Variants in BRIP1 observed in about 807,000 individuals in gnomAD.
BRIP1 encodes the protein Fanconi anemia group J protein.
BRIP1 carries 88 observed loss-of-function variants against 119.7 expected under a neutral mutation model. The observed-to-expected ratio is 0.74, with a 90% CI of 0.62 to 0.88. The LOEUF (loss-of-function observed/expected upper bound fraction) is 0.88, where lower values mean the gene tolerates loss of function less well. Ranked by LOEUF, BRIP1 falls within the 40% of genes least tolerant of loss-of-function variation. The pLI is 0.00. For synonymous variants in BRIP1, 443 were observed against 496.5 expected, an observed-to-expected ratio of 0.89 and a Z score of 1.43; for missense variants, 1,259 against 1,455.4, an observed-to-expected ratio of 0.87 and a Z score of 2.20.
At position 61,705,085 on chromosome 17, in the gene BRIP1, T is replaced by A. The variant is rs1188202394; in HGVS notation, c.2492+10866A>T. On this transcript the variant is annotated intron_variant, in intron 17 of 19. Transcript: ENST00000259008. The surrounding 1 kb of genome is among the most constrained non-coding windows in gnomAD (Gnocchi z 5.0). ...GGTAGTTTTTCAACCCTTGCTTCCC[T>A]CCTTCTCTGCCTCCACTTACATTCA... is the stretch of plus-strand genomic sequence containing the variant. Among the ~76,000 whole-genome samples, 2 of 152,154 alleles carry A rather than the reference T, an allele frequency of 1.3e-5. No individual in the cohort carries two copies. Among genetic ancestry groups the A allele is most frequent in the Non-Finnish European group, 2.9e-5 (2 of 68,006 alleles).
chr17:61,748,925 C>T lies in BRIP1; in HGVS notation c.2098-4334G>A, dbSNP rs1351269954. On this transcript the variant is annotated intron_variant, in intron 14 of 19. Transcript: ENST00000259008. This position sits in a 1 kb window ranked among gnomAD's most constrained non-coding sequence, Gnocchi z 4.7. ...GGCCAAGGCGGGCAGATCACGAGGT[C>T]AGGAGATTGAGACCATCCTGGCTAA... Among the ~76,000 whole-genome samples, 2 of 152,176 alleles carry T rather than the reference C, an allele frequency of 1.3e-5. No individual in the cohort carries two copies. Among genetic ancestry groups the T allele is most frequent in the African/African-American group, 4.8e-5 (2 of 41,450 alleles).
At chr17:61,837,598 T>C (rs1205237775) in intron 6 of BRIP1, among the ~76,000 whole-genome samples, 2 of 152,120 alleles carry the variant, frequency 1.3e-5, no homozygotes, top group East Asian at 3.8e-4. Flanking sequence ...CAACCCTGGC[T>C]ATTGTGAGGA....
rs951610273 is a variant in BRIP1, at chr17:61,776,684, CAG to C, written c.1936-124_1936-123del. 3 of 1,085,714 alleles carry C rather than the reference CAG, an allele frequency of 2.8e-6. No homozygotes were observed. The highest frequency in any genetic ancestry group is 1.3e-5 in the South Asian group (1 of 74,334). The allele number at this position is 1,085,714 out of a possible 1,614,324, so 67.3% of individuals were successfully genotyped here. A position where few individuals can be genotyped will look rare whatever the true frequency, so the allele number is the denominator to read the frequency against. ...GTTTAACAATTTATTTTTAAATTGT[CAG>C]GGGGTTTTCTATTACCTTCAATTAA... On this transcript the variant is annotated intron_variant, in intron 13 of 19. Coordinates refer to ENST00000259008, the MANE Select transcript of BRIP1 (RefSeq NM_032043.3). This position sits in a 1 kb window ranked among gnomAD's most constrained non-coding sequence, Gnocchi z 5.0.
In BRIP1 at chr17:61,857,330, A is replaced by G. The variant is rs1037048979; in HGVS notation, c.206-99T>C. ...ACCCAGGATTGGGAGGTTTCCTAAG[A>G]TAAAAGATTTTTAGGGCTAACACCA... On this transcript the variant is annotated intron_variant, in intron 3 of 19. Transcript: ENST00000259008. This position sits in a 1 kb window ranked among gnomAD's most constrained non-coding sequence, Gnocchi z 5.1. 13 of 1,179,198 alleles carry G rather than the reference A, an allele frequency of 1.1e-5. No individual in the cohort carries two copies. Among genetic ancestry groups the G allele is most frequent in the Non-Finnish European group, 1.5e-5 (13 of 854,250 alleles). The allele number at this position is 1,179,198 out of a possible 1,614,324, so 73.0% of individuals were successfully genotyped here.
In BRIP1 at chr17:61,805,057, C is replaced by T. The variant is rs887764375; in HGVS notation, c.918+3410G>A. Among the ~76,000 whole-genome samples, 2 of 151,014 alleles carry T rather than the reference C, an allele frequency of 1.3e-5. No individual in the cohort carries two copies. The highest frequency in any genetic ancestry group is 2.9e-5 in the Non-Finnish European group (2 of 67,850). ...TAATAAATTAAATTGTATATATATA[C>T]ACACACATATATATGCATATATATA... is the stretch of plus-strand genomic sequence containing the variant. On this transcript the variant is annotated intron_variant, in intron 7 of 19. Transcript: ENST00000259008. The surrounding 1 kb of genome is among the most constrained non-coding windows in gnomAD (Gnocchi z 5.6).
At position 61,760,017 on chromosome 17, in the gene BRIP1, T is replaced by A. The variant is rs1005844549; in HGVS notation, c.2098-15426A>T. Among the ~76,000 whole-genome samples the A allele has an allele frequency of 3.3e-5, 5 of 151,894 alleles. No individual in the cohort carries two copies. Among genetic ancestry groups the A allele is most frequent in the Admixed American group, 1.3e-4 (2 of 15,240 alleles). Reference sequence around the variant, plus strand: ...ATTCTTCTCAAATACCATAAAATAGTCTCCAGGATAGATTATATATTAGGC... The same window carrying A: ...ATTCTTCTCAAATACCATAAAATAGACTCCAGGATAGATTATATATTAGGC... On this transcript the variant is annotated intron_variant, in intron 14 of 19. Coordinates refer to ENST00000259008, the MANE Select transcript of BRIP1 (RefSeq NM_032043.3). This position sits in a 1 kb window ranked among gnomAD's most constrained non-coding sequence, Gnocchi z 4.6.
Position 61,695,676 on chromosome 17 carries a change from A to G in BRIP1, c.2493-2164T>C, listed in dbSNP as rs1603281880. The stretch of plus-strand genomic sequence containing the variant: ...TCAATAATGTCTTGCAGTTTTCAGT[A>G]TACAGATCTTTCATCTCCTTAGTTA... On this transcript the variant is annotated intron_variant, in intron 17 of 19. Coordinates refer to ENST00000259008, the MANE Select transcript of BRIP1 (RefSeq NM_032043.3). The surrounding 1 kb of genome is among the most constrained non-coding windows in gnomAD (Gnocchi z 4.3). 6.6e-6 allele frequency among the ~76,000 whole-genome samples: 1 copy of G among 152,140 alleles called. No homozygotes were observed. Among genetic ancestry groups the G allele is most frequent in the East Asian group, 1.9e-4 (1 of 5,200 alleles).
At position 61,846,969 on chromosome 17, in the gene BRIP1, A is replaced by T; in HGVS notation, c.627+132T>A. On this transcript the variant is annotated intron_variant, in intron 6 of 19. Coordinates refer to ENST00000259008, the MANE Select transcript of BRIP1 (RefSeq NM_032043.3). This position sits in a 1 kb window ranked among gnomAD's most constrained non-coding sequence, Gnocchi z 4.3. ...CTCACACATTAGTAACAGAGATGTGACAGCATTGAGGACTTCTGAGTGGGT... is the reference window on the plus strand; with the variant it reads ...CTCACACATTAGTAACAGAGATGTGTCAGCATTGAGGACTTCTGAGTGGGT... 1.0e-6 allele frequency: 1 copy of T among 991,290 alleles called. No homozygotes were observed. Among genetic ancestry groups the T allele is most frequent in the Admixed American group, 2.0e-5 (1 of 48,944 alleles). The allele number at this position is 991,290 out of a possible 1,614,324, so 61.4% of individuals were successfully genotyped here.
Position 61,768,230 on chromosome 17 carries a change from ATG to A in BRIP1, c.2097+8169_2097+8170del, listed in dbSNP as rs1212336583. On this transcript the variant is annotated intron_variant, in intron 14 of 19. Coordinates refer to ENST00000259008, the MANE Select transcript of BRIP1 (RefSeq NM_032043.3). This position sits in a 1 kb window ranked among gnomAD's most constrained non-coding sequence, Gnocchi z 5.0. Reference sequence around the variant, plus strand: ...ATAAAAATAAATGTGAAGTAAAGTTATGAGATTTCTCAGGAAGATCTTAAATA... The same window carrying A: ...ATAAAAATAAATGTGAAGTAAAGTTAAGATTTCTCAGGAAGATCTTAAATA... 6.6e-6 allele frequency among the ~76,000 whole-genome samples: 1 copy of A among 152,226 alleles called. No homozygotes were observed. The highest frequency in any genetic ancestry group is 1.5e-5 in the Non-Finnish European group (1 of 68,032).
intron 17 of BRIP1, among the ~76,000 whole-genome samples, chr17:61,715,233 A>AT (rs1376751024): frequency 2.0e-5 from 3 of 151,230 alleles, no homozygotes; most frequent in Non-Finnish European, 4.4e-5. Context: ...TAATTATTTT[A>AT]TTTTTTCTTT....
chr17:61,823,757 AACACACACACACACACACACACACAC>A lies in BRIP1; in HGVS notation c.628-15026_628-15001del, dbSNP rs144749656. ...GCTCAATGACCCCAAGCACACAATA[AACACACACACACACACACACACACAC>A]ACACACACACACACCTTAGTTGAAT... On this transcript the variant is annotated intron_variant, in intron 6 of 19. Coordinates refer to ENST00000259008, the MANE Select transcript of BRIP1 (RefSeq NM_032043.3). This position sits in a 1 kb window ranked among gnomAD's most constrained non-coding sequence, Gnocchi z 4.8. Among the ~76,000 whole-genome samples, 47 of 131,748 alleles carry A rather than the reference AACACACACACACACACACACACACAC, an allele frequency of 3.6e-4. 1 individual carries two copies. In the East Asian group the frequency reaches 5.7e-3, roughly 16 times the overall value. 86.4% of individuals were successfully genotyped at this position (131,748 alleles called of 152,430 possible).
chr17:61,717,772 T>C lies in BRIP1; in HGVS notation c.2380-1709A>G, dbSNP rs567900851. Among the ~76,000 whole-genome samples, 8 of 152,156 alleles carry C rather than the reference T, an allele frequency of 5.3e-5. No individual in the cohort carries two copies. The South Asian group carries it at 1.7e-3, about 32-fold the overall frequency. The stretch of plus-strand genomic sequence containing the variant: ...CTCTAAATATATATATTATTCTGCC[T>C]CGAAACTCTTCTTCTTAGACTCCAA... On this transcript the variant is annotated intron_variant, in intron 16 of 19. Coordinates refer to ENST00000259008, the MANE Select transcript of BRIP1 (RefSeq NM_032043.3). The surrounding 1 kb of genome is among the most constrained non-coding windows in gnomAD (Gnocchi z 4.1).
chr17:61,753,428 A>T lies in BRIP1; in HGVS notation c.2098-8837T>A, dbSNP rs1426679605. On this transcript the variant is annotated intron_variant, in intron 14 of 19. Coordinates refer to ENST00000259008, the MANE Select transcript of BRIP1 (RefSeq NM_032043.3). The surrounding 1 kb of genome is among the most constrained non-coding windows in gnomAD (Gnocchi z 4.6). ...TTAAGATATCCAAATGGAAATGTTG[A>T]TATGGCAGTTGGGTATATGGGCATA... Among the ~76,000 whole-genome samples the T allele has an allele frequency of 6.6e-6, 1 of 152,186 alleles. No homozygotes were observed. The highest frequency in any genetic ancestry group is 1.5e-5 in the Non-Finnish European group (1 of 68,038).
Position 61,793,819 on chromosome 17 carries a change from G to A in BRIP1, c.1341-90C>T, listed in dbSNP as rs1404853759. On this transcript the variant is annotated intron_variant, in intron 9 of 19. Transcript: ENST00000259008. This position sits in a 1 kb window ranked among gnomAD's most constrained non-coding sequence, Gnocchi z 5.2. The stretch of plus-strand genomic sequence containing the variant: ...AAGAGAATCATCATTATTGTCATGC[G>A]TTGATCTGTATATCTTGACATTCTT... The A allele has an allele frequency of 1.3e-5, 17 of 1,354,152 alleles. No individual in the cohort carries two copies. The highest frequency in any genetic ancestry group is 1.6e-5 in the Non-Finnish European group (16 of 990,102). The allele number at this position is 1,354,152 out of a possible 1,614,324, so 83.9% of individuals were successfully genotyped here.
At chr17:61,728,568 G>C (rs185837356) in intron 16 of BRIP1, among the ~76,000 whole-genome samples, 70 of 152,326 alleles carry the variant, frequency 4.6e-4, no homozygotes, top group African/African-American at 1.5e-3. Context: ...TTGACCTGCA[G>C]GAGTTCAGAA....
intron 16 of BRIP1, among the ~76,000 whole-genome samples, chr17:61,718,620 G>C (rs993003012): frequency 1.3e-5 from 2 of 152,138 alleles, no homozygotes; most frequent in Non-Finnish European, 2.9e-5. Flanking sequence ...AGCTGCCACG[G>C]ACTTTCCCTA....
chr17:61,831,640 A>G lies in BRIP1; in HGVS notation c.627+15461T>C, dbSNP rs1308129370. Among the ~76,000 whole-genome samples the G allele has an allele frequency of 1.3e-5, 2 of 152,152 alleles. No individual in the cohort carries two copies. Among genetic ancestry groups the G allele is most frequent in the African/African-American group, 2.4e-5 (1 of 41,440 alleles). On this transcript the variant is annotated intron_variant, in intron 6 of 19. Coordinates refer to ENST00000259008, the MANE Select transcript of BRIP1 (RefSeq NM_032043.3). The surrounding 1 kb of genome is among the most constrained non-coding windows in gnomAD (Gnocchi z 4.1). ...ATTTTGTTTATTCGTTTATTTATCA[A>G]TGGACATTTTGGTTGTTTCCACCTT...
intron 10 of BRIP1, among the ~76,000 whole-genome samples, chr17:61,788,923 G>A (rs996232211): frequency 1.3e-5 from 2 of 151,948 alleles, no homozygotes; most frequent in Non-Finnish European, 2.9e-5. Context: ...ACAAAAGCCC[G>A]TCTCTACAAA....
chr17:61,822,274 T>C lies in BRIP1; in HGVS notation c.628-13517A>G, dbSNP rs920867073. On this transcript the variant is annotated intron_variant, in intron 6 of 19. Coordinates refer to ENST00000259008, the MANE Select transcript of BRIP1 (RefSeq NM_032043.3). The surrounding 1 kb of genome is among the most constrained non-coding windows in gnomAD (Gnocchi z 4.4). ...ATCTTTGATGTTACTAGAATTTTTA[T>C]AAGCAAATATCACTTTTATAAAAAC... 2.6e-5 allele frequency among the ~76,000 whole-genome samples: 4 copies of C among 152,324 alleles called. No homozygotes were observed. The East Asian group carries it at 7.7e-4, about 29-fold the overall frequency.
Sources: allele counts gnomAD v4.1 joint callset (sites outside exome capture counted in the v4.1 genomes callset), GRCh38; gene constraint gnomAD v4.1.1; non-coding constraint Gnocchi (gnomAD v3.1); transcripts MANE v1.5; gene names NCBI Gene and HGNC (gene_info 2026-07-23, HGNC 2026-07-21).